The following NXPE1 variants were observed in gnomAD, a reference collection of about 807,000 sequenced individuals.
The protein encoded by NXPE1 is neurexophilin and PC-esterase domain family member 1.
A neutral mutation model predicts 33.3 loss-of-function variants in NXPE1; 31 were observed. That is an observed-to-expected ratio of 0.93 (90% confidence interval 0.70 to 1.26). The LOEUF (loss-of-function observed/expected upper bound fraction) is 1.26, where lower values mean the gene tolerates loss of function less well. NXPE1 is among the 50% of genes most tolerant of loss of function. The probability of loss-of-function intolerance (pLI) is 0.00; values close to 1 mark genes in which losing one functional copy is unlikely to be tolerated. For synonymous variants in NXPE1, 229 were observed against 231.4 expected (o/e 0.99, Z 0.09); for missense variants, 661 against 655.6 (o/e 1.01, Z -0.09).
At chr11:114,519,968 T>TCGCCTCC (rs1356498370), downstream of NXPE1, among the ~76,000 whole-genome samples, 3 of 117,320 alleles carry the variant, frequency 2.6e-5, no homozygotes, top group Middle Eastern at 4.1e-3. Flanking sequence ...CTCGGCGAGC[T>TCGCCTCC]TGCCCGCTAA....
intron 5 of NXPE1, among the ~76,000 whole-genome samples, chr11:114,537,057 C>G (rs1406383076): frequency 2.0e-5 from 3 of 152,118 alleles, no homozygotes; most frequent in Admixed American, 2.0e-4. Flanking sequence ...CCGAATCCAG[C>G]AACACATCAA....
rs556872999 is a variant in NXPE1, at chr11:114,536,647, T to C, written c.100-5739A>G. Among the ~76,000 whole-genome samples, 685 of 152,210 alleles carry C rather than the reference T, an allele frequency of 4.5e-3. 9 individuals carry two copies. Among genetic ancestry groups the C allele is most frequent in the African/African-American group, 0.015 (633 of 41,512 alleles). The stretch of plus-strand genomic sequence containing the variant: ...TACAAACTACCATCAGAGAATACTA[T>C]AAGCACCTCTATGCAAATAAACTAG... On this transcript the variant is annotated intron_variant, in intron 5 of 8. Transcript: ENST00000534921.
chr11:114,557,769 T>C (rs1490205174), intron 1 of NXPE1, among the ~76,000 whole-genome samples: 2 of 151,358 alleles, frequency 1.3e-5, no homozygotes, highest in East Asian at 3.9e-4. Flanking sequence ...TATCTTCTGC[T>C]TCAAGAACTA....
intron 1 of NXPE1, among the ~76,000 whole-genome samples, chr11:114,557,157 G>A (rs1041008577): frequency 6.6e-6 from 1 of 151,962 alleles, no homozygotes; most frequent in South Asian, 2.1e-4. Flanking sequence ...GCCTCCCAAA[G>A]TTCTGGGATT....
intron 1 of NXPE1, chr11:114,553,817 A>C: frequency 1.0e-6 from 1 of 969,590 alleles, no homozygotes; most frequent in Non-Finnish European, 1.2e-6. Flanking sequence ...ATTCATGCAC[A>C]TTTCTTTCCA....
chr11:114,529,154 C>A (rs1947478647), intron 6 of NXPE1: 2 of 224,026 alleles, frequency 8.9e-6, no homozygotes, highest in Non-Finnish European at 1.7e-5. Context: ...TTCTGTGAAC[C>A]TAGCATTCTA....
intron 5 of NXPE1, among the ~76,000 whole-genome samples, chr11:114,549,511 AG>A: frequency 6.6e-6 from 1 of 152,212 alleles, no homozygotes. Flanking sequence ...TCTTCATAAA[AG>A]CACAATAGGA....
chr11:114,540,801 T>C (rs1326783283), intron 5 of NXPE1, among the ~76,000 whole-genome samples: 1 of 143,448 alleles, frequency 7.0e-6, no homozygotes, highest in Non-Finnish European at 1.5e-5. Context: ...GAGGGCAGTC[T>C]ACTAGCAGAG....
At chr11:114,556,809 G>A (rs887129020) in intron 1 of NXPE1, among the ~76,000 whole-genome samples, 16 of 150,912 alleles carry the variant, frequency 1.1e-4, no homozygotes, top group South Asian at 4.2e-4. Flanking sequence ...TCATATTATC[G>A]TTGATATATC....
At chr11:114,538,224 A>C (rs1389658156) in intron 5 of NXPE1, among the ~76,000 whole-genome samples, 1 of 152,252 alleles carries the variant, frequency 6.6e-6, no homozygotes, top group Admixed American at 6.5e-5. Flanking sequence ...TTGGCTAGCC[A>C]TATGTAGAAA....
downstream of NXPE1, among the ~76,000 whole-genome samples, chr11:114,520,737 T>C (rs1947193628): frequency 1.3e-5 from 2 of 152,172 alleles, no homozygotes; most frequent in South Asian, 4.1e-4. Context: ...GTATGAGAGT[T>C]CCCTTTGTGT....
At chr11:114,540,545 G>A (rs919083499) in intron 5 of NXPE1, among the ~76,000 whole-genome samples, 5 of 152,160 alleles carry the variant, frequency 3.3e-5, no homozygotes, top group African/African-American at 1.2e-4. Context: ...TGGGAAAAGA[G>A]GAAGGAGAGT....
intron 1 of NXPE1, chr11:114,553,916 A>G (rs1449223718): frequency 4.1e-5 from 40 of 984,786 alleles, no homozygotes; most frequent in Non-Finnish European, 4.5e-5. Context: ...GGCTATAAAC[A>G]GGATTTTTGT....
chr11:114,558,914 T>A (rs575253628), intron 1 of NXPE1, among the ~76,000 whole-genome samples: 116 of 152,270 alleles, frequency 7.6e-4, no homozygotes, highest in African/African-American at 2.7e-3. Flanking sequence ...GCTGTAATTG[T>A]AGGGAATTAA....
chr11:114,533,670 A>AGCT (rs1947676234), intron 5 of NXPE1, among the ~76,000 whole-genome samples: 1 of 152,246 alleles, frequency 6.6e-6, no homozygotes, highest in Non-Finnish European at 1.5e-5. Flanking sequence ...TCCTACGCCC[A>AGCT]CGGAGCCTTG....
chr11:114,554,650 T>C (rs1053041975), intron 1 of NXPE1, among the ~76,000 whole-genome samples: 1 of 152,232 alleles, frequency 6.6e-6, no homozygotes, highest in African/African-American at 2.4e-5. Flanking sequence ...AAAGCAATAA[T>C]AATTATGAGT....
At chr11:114,556,337 T>C (rs1468058675) in intron 1 of NXPE1, among the ~76,000 whole-genome samples, 1 of 152,224 alleles carries the variant, frequency 6.6e-6, no homozygotes, top group Non-Finnish European at 1.5e-5. Context: ...AAATCTCTAC[T>C]TATTCAGCAG....
intron 5 of NXPE1, 122 bp downstream of exon 5, chr11:114,550,981 A>G: frequency 3.3e-6 from 2 of 610,774 alleles, no homozygotes; most frequent in Non-Finnish European, 5.8e-6. Context: ...GAGAGAGAGA[A>G]GATAGGGCAG....
downstream of NXPE1, among the ~76,000 whole-genome samples, chr11:114,519,605 T>G (rs894732249): frequency 6.6e-6 from 1 of 152,056 alleles, no homozygotes; most frequent in African/African-American, 2.4e-5. Context: ...TAATTCAATC[T>G]GGTTTTAAAG....
Sources: gnomAD v4.1 joint callset for allele counts (sites outside exome capture counted in the v4.1 genomes callset) on GRCh38, gnomAD v4.1.1 for gene constraint, MANE v1.5 for transcripts, NCBI Gene and HGNC (gene_info 2026-07-23, HGNC 2026-07-21) for gene names.